The following SLC7A11 variants were observed in gnomAD, a reference collection of about 807,000 sequenced individuals.
SLC7A11 encodes solute carrier family 7 member 11.
Under a neutral mutation model 54.5 loss-of-function variants are expected in SLC7A11, and 35 were observed. The observed-to-expected ratio is 0.64, with a 90% CI of 0.49 to 0.85. The LOEUF is 0.85. Ranked by LOEUF, SLC7A11 falls within the 40% of genes least tolerant of loss-of-function variation. SLC7A11 has a pLI of 0.00. For missense variants in SLC7A11, 583 were observed against 618.1 expected, an observed-to-expected ratio of 0.94 and a Z score of 0.60; for synonymous variants, 230 against 225.2, an observed-to-expected ratio of 1.02 and a Z score of -0.19.
intron 3 of SLC7A11, 65 bp downstream of exon 3, chr4:138,232,202 A>C: frequency 9.1e-7 from 1 of 1,103,544 alleles, no homozygotes; most frequent in Non-Finnish European, 1.4e-6. Context: ...AAGTCTAAAG[A>C]CACTTTGTCT....
Position 138,171,860 on chromosome 4 carries a change from C to A in SLC7A11, c.*96G>T. ...ATAACTGACTCCTTTTGTTTATCAC[C>A]AAAGTTGTAATTCTCTAGACTTTCA... On this transcript the variant is annotated 3_prime_UTR_variant, in exon 12 of 12. Coordinates refer to ENST00000280612, the MANE Select transcript of SLC7A11 (RefSeq NM_014331.4). 6.8e-7 allele frequency: 1 copy of A among 1,470,710 alleles called. No homozygotes were observed. The highest frequency in any genetic ancestry group is 9.1e-7 in the Non-Finnish European group (1 of 1,103,718). The allele number at this position is 1,470,710 out of a possible 1,614,324, so 91.1% of individuals were successfully genotyped here.
At chr4:138,240,023 T>C (rs1164310138) in intron 1 of SLC7A11, among the ~76,000 whole-genome samples, 1 of 152,186 alleles carries the variant, frequency 6.6e-6, no homozygotes, top group African/African-American at 2.4e-5. Flanking sequence ...ACCAGAGCTA[T>C]TTTAATATTA....
Position 138,170,004 on chromosome 4 carries a change from T to C in SLC7A11, c.*1952A>G, listed in dbSNP as rs1325677321. 1 of 151,690 alleles carries C rather than the reference T, an allele frequency of 6.6e-6. No homozygotes were observed. The highest frequency in any genetic ancestry group is 1.5e-5 in the Non-Finnish European group (1 of 67,910). The allele number at this position is 151,690 out of a possible 1,614,324, so 9.4% of individuals were successfully genotyped here. ...GCTCCAAATTATAGGTCATCATTTC[T>C]ACTTTGGACAATTTTTTATGAATTC... On this transcript the variant is annotated 3_prime_UTR_variant, in exon 12 of 12. Transcript: ENST00000280612.
chr4:138,176,381 T>C (rs1736571167), intron 11 of SLC7A11: 2 of 152,150 alleles, frequency 1.3e-5, no homozygotes, highest in South Asian at 4.1e-4. Flanking sequence ...CCATTGCTGC[T>C]AGTTTCACAA....
chr4:138,165,012 T>C lies in SLC7A11; in HGVS notation c.*6944A>G, dbSNP rs1459025154. On this transcript the variant is annotated 3_prime_UTR_variant, in exon 12 of 12. Coordinates refer to ENST00000280612, the MANE Select transcript of SLC7A11 (RefSeq NM_014331.4). The stretch of plus-strand genomic sequence containing the variant: ...AATGGACTCCACTTGTTGCAAATTA[T>C]AAATGCTTGTCACAGAATATGAAAA... The C allele has an allele frequency of 6.6e-6, 1 of 152,258 alleles. No homozygotes were observed. The highest frequency in any genetic ancestry group is 1.5e-5 in the Non-Finnish European group (1 of 68,030). 9.4% of individuals were successfully genotyped at this position (152,258 alleles called of 1,614,324 possible). A position where few individuals can be genotyped will look rare whatever the true frequency, so the allele number is the denominator to read the frequency against.
intron 6 of SLC7A11, among the ~76,000 whole-genome samples, chr4:138,204,743 C>A (rs1475930578): frequency 2.6e-5 from 4 of 151,556 alleles, no homozygotes; most frequent in Non-Finnish European, 4.4e-5. Flanking sequence ...AAAAAAAAAT[C>A]TGCCAGGAAG....
At chr4:138,217,566 G>T (rs909366812) in intron 5 of SLC7A11, among the ~76,000 whole-genome samples, 2 of 152,178 alleles carry the variant, frequency 1.3e-5, no homozygotes, top group Non-Finnish European at 2.9e-5. Context: ...AAAGTGAGGA[G>T]GGTAAAAGAA....
intron 6 of SLC7A11, among the ~76,000 whole-genome samples, chr4:138,204,687 C>T (rs939651531): frequency 8.0e-5 from 12 of 150,390 alleles, no homozygotes; most frequent in East Asian, 2.0e-4. Flanking sequence ...CCAACAGTGA[C>T]GATGACAATA....
chr4:138,211,297 C>T (rs1185735004), intron 6 of SLC7A11, among the ~76,000 whole-genome samples: 1 of 151,820 alleles, frequency 6.6e-6, no homozygotes, highest in Non-Finnish European at 1.5e-5. Flanking sequence ...GTACTATGCC[C>T]CATACCCAAC....
At chr4:138,208,937 A>G (rs1340018767) in intron 6 of SLC7A11, among the ~76,000 whole-genome samples, 1 of 152,052 alleles carries the variant, frequency 6.6e-6, no homozygotes, top group Non-Finnish European at 1.5e-5. Context: ...AATCACACAA[A>G]CAGAAATTTT....
chr4:138,230,816 C>T (rs4863542), intron 3 of SLC7A11, among the ~76,000 whole-genome samples: 149,123 of 152,252 alleles, frequency 0.98, 73,108 homozygotes, highest in East Asian at 1. Flanking sequence ...ACTTTTCTGC[C>T]GGAGAAAAAA....
rs759689139 is a variant in SLC7A11 at position 138,179,410 on chromosome 4, CAAAA to C, written c.1267-20_1267-17del. On this transcript the variant is annotated splice_polypyrimidine_tract_variant and intron_variant, in intron 10 of 11. Transcript: ENST00000280612. ...ACAGTGGCACCTGGAACACAGAACACAAAAAAGTCACTTCAAACATGTTCAAGCA... is the reference window on the plus strand; with the variant it reads ...ACAGTGGCACCTGGAACACAGAACACAAGTCACTTCAAACATGTTCAAGCA... 3.7e-6 allele frequency: 6 copies of C among 1,606,190 alleles called. No individual in the cohort carries two copies. The South Asian group carries it at 6.7e-5, about 18-fold the overall frequency.
chr4:138,214,629 C>G lies in SLC7A11; in HGVS notation c.747G>C (p.Trp249Cys). 7.8e-7 allele frequency: 1 copy of G among 1,285,562 alleles called. No homozygotes were observed. Among genetic ancestry groups the G allele is most frequent in the Non-Finnish European group, 1.1e-6 (1 of 933,722 alleles). 79.6% of individuals were successfully genotyped at this position (1,285,562 alleles called of 1,614,324 possible). ...CTTCAGTAACAAAGTTGAGGTAAAA[C>G]CTAAAAATAGATAAATAAATTATAA... The part of the protein sequence containing the change: ...FYYGMYAYAG[W>C]FYLNFVTEEV... Residue 249 changes from tryptophan (W) to cysteine (C), a missense_variant and splice_region_variant, in exon 6 of 12, where the codon TGG (tryptophan) becomes TGC (cysteine). Trp to Cys is a radical substitution (Grantham distance 215). Transcript: ENST00000280612.
Position 138,238,737 on chromosome 4 carries a change from C to A in SLC7A11, c.278-2286G>T, listed in dbSNP as rs191659686. ...ACGTCAGCCTCCCAAGTAGCTGGGACCACAGGTACACACCACCATGCCCAG... is the reference window on the plus strand; with the variant it reads ...ACGTCAGCCTCCCAAGTAGCTGGGAACACAGGTACACACCACCATGCCCAG... On this transcript the variant is annotated intron_variant, in intron 1 of 11. Transcript: ENST00000280612. Among the ~76,000 whole-genome samples, 9 of 152,056 alleles carry A rather than the reference C, an allele frequency of 5.9e-5. No homozygotes were observed. In the East Asian group the frequency reaches 1.6e-3, roughly 26 times the overall value.
intron 6 of SLC7A11, among the ~76,000 whole-genome samples, chr4:138,194,486 A>T (rs1162293152): frequency 6.6e-6 from 1 of 152,124 alleles, no homozygotes; most frequent in African/African-American, 2.4e-5. Context: ...AAGTGCCACT[A>T]TCTAATGGCT....
chr4:138,230,452 C>T (rs1738048534), intron 3 of SLC7A11, among the ~76,000 whole-genome samples: 1 of 150,550 alleles, frequency 6.6e-6, no homozygotes, highest in Non-Finnish European at 1.5e-5. Flanking sequence ...AAGAATGTGA[C>T]CCAAACAAAA....
intron 5 of SLC7A11, among the ~76,000 whole-genome samples, chr4:138,218,821 C>A (rs1737738295): frequency 6.6e-6 from 1 of 152,072 alleles, no homozygotes; most frequent in Non-Finnish European, 1.5e-5. Context: ...ATACTTATTT[C>A]TACATCTGAG....
intron 2 of SLC7A11, among the ~76,000 whole-genome samples, chr4:138,233,213 C>A (rs1447893936): frequency 1.4e-5 from 2 of 144,200 alleles, no homozygotes; most frequent in East Asian, 2.1e-4. Context: ...GAAATGGAGT[C>A]TCACTCTGTC....
At position 138,233,716 on chromosome 4, in the gene SLC7A11, T is replaced by C. The variant is rs112019684; in HGVS notation, c.405-1334A>G. Among the ~76,000 whole-genome samples the C allele has an allele frequency of 9.6e-3, 1,462 of 152,344 alleles. 38 individuals carry two copies. The highest frequency in any genetic ancestry group is 0.033 in the African/African-American group (1,376 of 41,576). ...TGTTTATCCTATTCTCCATCATTTA[T>C]ACAATTTTTTATGTATAATTTAAAA... On this transcript the variant is annotated intron_variant, in intron 2 of 11. Coordinates refer to ENST00000280612, the MANE Select transcript of SLC7A11 (RefSeq NM_014331.4).
Sources: allele counts gnomAD v4.1 joint callset (sites outside exome capture counted in the v4.1 genomes callset), GRCh38; gene constraint gnomAD v4.1.1; transcripts MANE v1.5; gene names NCBI Gene and HGNC (gene_info 2026-07-23, HGNC 2026-07-21).